Variants in MARCHF2 observed in about 807,000 individuals in gnomAD.
MARCHF2 encodes the protein E3 ubiquitin-protein ligase MARCHF2.
A neutral mutation model predicts 24.0 loss-of-function variants in MARCHF2; 22 were observed. The ratio of observed to expected loss-of-function variants is 0.92; its 90% CI spans 0.66 to 1.31. MARCHF2 has a LOEUF of 1.31. Among genes scored for constraint, MARCHF2 ranks in the 50% most tolerant of loss-of-function variants. The probability of loss-of-function intolerance (pLI) is 0.00; values close to 1 mark genes in which losing one functional copy is unlikely to be tolerated. For synonymous variants in MARCHF2, 154 were observed against 153.0 expected (o/e 1.01, Z -0.05); for missense variants, 301 against 335.3 (o/e 0.90, Z 0.80).
chr19:8,430,194 T>G lies in MARCHF2; in HGVS notation c.373-464T>G, dbSNP rs972573285. On this transcript the variant is annotated intron_variant, in intron 3 of 4. Coordinates refer to ENST00000215555, the MANE Select transcript of MARCHF2 (RefSeq NM_001005415.2). The surrounding 1 kb of genome is among the most constrained non-coding windows in gnomAD (Gnocchi z 4.4). Reference sequence around the variant, plus strand: ...GCCTGACAAACATGGTGAAACCCCATCTCTACTAAAAATACAAAATTAGCA... The same window carrying G: ...GCCTGACAAACATGGTGAAACCCCAGCTCTACTAAAAATACAAAATTAGCA... Among the ~76,000 whole-genome samples, 1 of 151,940 alleles carries G rather than the reference T, an allele frequency of 6.6e-6. No individual in the cohort carries two copies. The highest frequency in any genetic ancestry group is 1.5e-5 in the Non-Finnish European group (1 of 68,006).
chr19:8,435,406 C>T (rs1328982572), intron 4 of MARCHF2, among the ~76,000 whole-genome samples: 1 of 152,086 alleles, frequency 6.6e-6, no homozygotes, highest in East Asian at 1.9e-4. Context: ...TCCTGTATAT[C>T]ACCCTGCTCC....
rs10409969 is a variant in MARCHF2 at position 8,423,867 on chromosome 19, G to T, written c.176+1851G>T. On this transcript the variant is annotated intron_variant, in intron 2 of 4. Transcript: ENST00000215555. ...AGTTAAAAAATATTAGCTGTGTGGC[G>T]TGGTGCCACCTGTAGTCCCAGCTAC... 3.3e-5 allele frequency: 5 copies of T among 151,542 alleles called. No homozygotes were observed. The East Asian group carries it at 9.7e-4, about 29-fold the overall frequency. 9.4% of individuals were successfully genotyped at this position (151,542 alleles called of 1,614,324 possible). A position where few individuals can be genotyped will look rare whatever the true frequency, so the allele number is the denominator to read the frequency against.
chr19:8,422,104 C>A, intron 2 of MARCHF2, 88 bp downstream of exon 2: 2 of 1,408,572 alleles, frequency 1.4e-6, no homozygotes, highest in Non-Finnish European at 1.9e-6. Flanking sequence ...GTTAGAAGTC[C>A]AACCGTTGAC....
chr19:8,420,664 T>C (rs1055305678), intron 1 of MARCHF2, among the ~76,000 whole-genome samples: 6 of 152,106 alleles, frequency 3.9e-5, no homozygotes, highest in African/African-American at 1.4e-4. Flanking sequence ...TCTTCTCTTT[T>C]TTAGAGACAG....
At chr19:8,436,989 AT>A (rs34972879) in intron 4 of MARCHF2, among the ~76,000 whole-genome samples, 37,873 of 134,480 alleles carry the variant, frequency 0.28, 5,443 homozygotes, top group South Asian at 0.42. Context: ...TGCGCCCAGC[AT>A]TTTTTTTTTT....
chr19:8,425,686 G>A (rs999118621), intron 2 of MARCHF2, among the ~76,000 whole-genome samples: 1 of 150,786 alleles, frequency 6.6e-6, no homozygotes, highest in Admixed American at 6.6e-5. Context: ...GTGTAATCTC[G>A]GCTCACTGTA....
intron 1 of MARCHF2, chr19:8,413,676 C>A (rs915258907): frequency 2.6e-5 from 4 of 152,260 alleles, no homozygotes; most frequent in African/African-American, 9.6e-5. Context: ...CCTGATGGGG[C>A]TTCTGGGAGG....
chr19:8,437,745 CA>C (rs1967769027), intron 4 of MARCHF2, among the ~76,000 whole-genome samples: 1 of 145,448 alleles, frequency 6.9e-6, no homozygotes, highest in African/African-American at 2.6e-5. Context: ...GACTGATTTA[CA>C]TTAAAAAAAT....
chr19:8,421,461 T>C (rs62117528), intron 1 of MARCHF2, among the ~76,000 whole-genome samples: 75,498 of 144,638 alleles, frequency 0.52, 22,148 homozygotes, highest in Non-Finnish European at 0.64. Flanking sequence ...TCTCTTGACC[T>C]CGTGATCCAC....
intron 2 of MARCHF2, 93 bp from the exon 3 acceptor site, chr19:8,426,516 T>C: frequency 2.0e-6 from 2 of 978,526 alleles, no homozygotes; most frequent in Non-Finnish European, 3.1e-6. Flanking sequence ...AGTGGCAGCA[T>C]GGGGTAAGGG....
intron 2 of MARCHF2, among the ~76,000 whole-genome samples, chr19:8,423,917 G>A (rs1021005431): frequency 3.4e-5 from 5 of 148,794 alleles, no homozygotes; most frequent in African/African-American, 1.2e-4. Flanking sequence ...CAGGAGGATC[G>A]CTCGAGCTAG....
At chr19:8,426,476 G>A (rs1274855097) in intron 2 of MARCHF2, 133 bp from the exon 3 acceptor site, 5 of 684,072 alleles carry the variant, frequency 7.3e-6, no homozygotes, top group Non-Finnish European at 1.3e-5. Flanking sequence ...ATTTAGAGCT[G>A]GGCATTGAAG....
chr19:8,433,675 C>CAAA (rs143853447), intron 4 of MARCHF2, among the ~76,000 whole-genome samples: 1 of 90,714 alleles, frequency 1.1e-5, no homozygotes, highest in Non-Finnish European at 2.2e-5. Context: ...GACTCCGTCT[C>CAAA]AAAAAAAAAA....
intron 3 of MARCHF2, among the ~76,000 whole-genome samples, chr19:8,429,138 C>G (rs1487040684): frequency 7.0e-6 from 1 of 143,782 alleles, no homozygotes; most frequent in Non-Finnish European, 1.5e-5. Flanking sequence ...CATCTGCCGC[C>G]CCTGCAGCCT....
intron 4 of MARCHF2, among the ~76,000 whole-genome samples, chr19:8,434,490 C>T (rs979869047): frequency 6.6e-6 from 1 of 151,582 alleles, no homozygotes; most frequent in African/African-American, 2.4e-5. Context: ...AAAACCCACA[C>T]ACACAACGAG....
In MARCHF2 at chr19:8,426,774, A is replaced by G. The variant is rs1410422645; in HGVS notation, c.342A>G (p.Ala114=). ...SYCELCHTEF[A]VEKRPRPLTE... is the part of the protein sequence containing the mutation. Reference sequence around the variant, plus strand: ...GCGAGCTGTGCCACACGGAGTTTGCAGTGGAGAAACGGCCTCGACCCCTCA... The same window carrying G: ...GCGAGCTGTGCCACACGGAGTTTGCGGTGGAGAAACGGCCTCGACCCCTCA... Residue 114 remains alanine (A), a synonymous_variant, in exon 3 of 5, where the codon GCA becomes GCG. Coordinates refer to ENST00000215555, the MANE Select transcript of MARCHF2 (RefSeq NM_001005415.2). The G allele has an allele frequency of 1.9e-6, 3 of 1,612,406 alleles. No homozygotes were observed. The highest frequency in any genetic ancestry group is 2.5e-6 in the Non-Finnish European group (3 of 1,180,008).
chr19:8,434,029 G>A (rs888069472), intron 4 of MARCHF2, among the ~76,000 whole-genome samples: 1 of 151,198 alleles, frequency 6.6e-6, no homozygotes, highest in South Asian at 2.1e-4. Context: ...TTGTCCAGCT[G>A]TAGGGGAGTC....
At chr19:8,422,908 T>C (rs1967290148) in intron 2 of MARCHF2, among the ~76,000 whole-genome samples, 1 of 142,528 alleles carries the variant, frequency 7.0e-6, no homozygotes, top group African/African-American at 2.6e-5. Flanking sequence ...TTTCACCATG[T>C]TGGCCAGGCT....
At chr19:8,415,194 C>G (rs1274889165) in intron 1 of MARCHF2, among the ~76,000 whole-genome samples, 2 of 151,388 alleles carry the variant, frequency 1.3e-5, no homozygotes, top group African/African-American at 4.9e-5. Flanking sequence ...GCCAGGAGTT[C>G]AGGACCAGCC....
Sources: gnomAD v4.1 joint callset for allele counts (sites outside exome capture counted in the v4.1 genomes callset) on GRCh38, gnomAD v4.1.1 for gene constraint, Gnocchi (gnomAD v3.1) non-coding constraint, MANE v1.5 for transcripts, NCBI Gene and HGNC (gene_info 2026-07-23, HGNC 2026-07-21) for gene names.